GPT2: variants seen among roughly 807,000 people sequenced by gnomAD.
GPT2 encodes the protein glutamic--pyruvic transaminase 2.
A neutral mutation model predicts 56.9 loss-of-function variants in GPT2; 30 were observed. That is an observed-to-expected ratio of 0.53 (90% CI 0.39 to 0.72). GPT2 has a LOEUF of 0.72. Ranked by LOEUF, GPT2 falls within the 30% of genes least tolerant of loss-of-function variation. The pLI is 0.00. For synonymous variants in GPT2, 271 were observed against 283.1 expected (o/e 0.96, Z 0.43); for missense variants, 542 against 703.4 (o/e 0.77, Z 2.60).
At chr16:46,902,566 C>T (rs1960839669) in intron 4 of GPT2, among the ~76,000 whole-genome samples, 1 of 152,162 alleles carries the variant, frequency 6.6e-6, no homozygotes, top group Non-Finnish European at 1.5e-5. Context: ...GCTCCATGGC[C>T]ACCCTGACCC....
In GPT2 at chr16:46,906,697, A is replaced by G. The variant is rs1175361344; in HGVS notation, c.443-145A>G. 4 of 1,060,736 alleles carry G rather than the reference A, an allele frequency of 3.8e-6. No homozygotes were observed. The African/African-American group carries it at 4.7e-5, about 13-fold the overall frequency. The allele number at this position is 1,060,736 out of a possible 1,614,324, so 65.7% of individuals were successfully genotyped here. A position where few individuals can be genotyped will look rare whatever the true frequency, so the allele number is the denominator to read the frequency against. On this transcript the variant is annotated intron_variant, in intron 4 of 11. Coordinates refer to ENST00000340124, the MANE Select transcript of GPT2 (RefSeq NM_133443.4). Reference sequence around the variant, plus strand: ...AAGACAGGTGGTTAAGCAGTTTCCCACAGTTCCAAAGCAATGGGAGTTGGG... The same window carrying G: ...AAGACAGGTGGTTAAGCAGTTTCCCGCAGTTCCAAAGCAATGGGAGTTGGG...
intron 6 of GPT2, among the ~76,000 whole-genome samples, chr16:46,914,813 G>A (rs888465057): frequency 1.1e-4 from 17 of 152,304 alleles, no homozygotes; most frequent in South Asian, 2.1e-4. Flanking sequence ...CTCTTCACCC[G>A]GTGGCCACAG....
chr16:46,920,101 A>G (rs1961256186), intron 8 of GPT2, among the ~76,000 whole-genome samples: 1 of 152,188 alleles, frequency 6.6e-6, no homozygotes, highest in South Asian at 2.1e-4. Flanking sequence ...GCTACTCAGG[A>G]GGCTGAGATG....
In GPT2 at chr16:46,929,312, G is replaced by A; in HGVS notation, c.*315G>A. The A allele has an allele frequency of 3.0e-6, 1 of 329,398 alleles. No homozygotes were observed. 20.4% of individuals were successfully genotyped at this position (329,398 alleles called of 1,614,324 possible). A position where few individuals can be genotyped will look rare whatever the true frequency, so the allele number is the denominator to read the frequency against. On this transcript the variant is annotated 3_prime_UTR_variant, in exon 12 of 12. Coordinates refer to ENST00000340124, the MANE Select transcript of GPT2 (RefSeq NM_133443.4). ...GGTTTACAACAACTAGGATGTGTTG[G>A]GTGAGATGTTTCAGATCTGGAGAAA...
chr16:46,915,087 T>A (rs1961116580), intron 6 of GPT2, among the ~76,000 whole-genome samples: 1 of 151,562 alleles, frequency 6.6e-6, no homozygotes, highest in African/African-American at 2.4e-5. Flanking sequence ...CTGGATAATT[T>A]TTATTGTAGA....
Position 46,927,187 on chromosome 16 carries a change from C to G in GPT2, c.1481+150C>G, listed in dbSNP as rs1265108874. ...ACCCCTACTCTGTCCTGCTGCAGAC[C>G]CAAGCTCAGACCCTGCCCAGGGATT... On this transcript the variant is annotated intron_variant, in intron 11 of 11. Coordinates refer to ENST00000340124, the MANE Select transcript of GPT2 (RefSeq NM_133443.4). The G allele has an allele frequency of 8.5e-6, 4 of 472,488 alleles. No homozygotes were observed. The East Asian group carries it at 1.0e-4, about 12-fold the overall frequency. The allele number at this position is 472,488 out of a possible 1,614,324, so 29.3% of individuals were successfully genotyped here. A position where few individuals can be genotyped will look rare whatever the true frequency, so the allele number is the denominator to read the frequency against.
chr16:46,894,669 CTT>C (rs1252429847), intron 2 of GPT2, among the ~76,000 whole-genome samples: 10 of 145,034 alleles, frequency 6.9e-5, no homozygotes, highest in Non-Finnish European at 9.1e-5. Context: ...CACTGGGAAT[CTT>C]TTTTTTTTTT....
intron 2 of GPT2, among the ~76,000 whole-genome samples, chr16:46,895,363 A>T (rs1033819107): frequency 3.9e-5 from 6 of 152,030 alleles, no homozygotes; most frequent in Admixed American, 1.3e-4. Flanking sequence ...CATCTCCATT[A>T]AAAATACAAA....
At chr16:46,887,723 C>T (rs1164064576) in intron 2 of GPT2, among the ~76,000 whole-genome samples, 1 of 152,180 alleles carries the variant, frequency 6.6e-6, no homozygotes, top group Non-Finnish European at 1.5e-5. Context: ...GGAATTCTTT[C>T]ACCAGGTGTT....
chr16:46,910,317 G>A (rs1252449798), intron 6 of GPT2, among the ~76,000 whole-genome samples: 8 of 128,618 alleles, frequency 6.2e-5, no homozygotes, highest in Non-Finnish European at 9.4e-5. Flanking sequence ...AGAGGCAGAG[G>A]TTGCAGTGAG....
chr16:46,925,103 G>A (rs1331150102), intron 10 of GPT2, among the ~76,000 whole-genome samples: 1 of 151,988 alleles, frequency 6.6e-6, no homozygotes, highest in Non-Finnish European at 1.5e-5. Context: ...AGAGAGATGG[G>A]GTCTTACTTT....
intron 2 of GPT2, among the ~76,000 whole-genome samples, chr16:46,891,153 A>G (rs901496506): frequency 2.6e-5 from 4 of 152,064 alleles, no homozygotes; most frequent in African/African-American, 9.7e-5. Flanking sequence ...GATTACAGGC[A>G]TGAGCCACTG....
chr16:46,919,834 G>A (rs1191643731), intron 8 of GPT2, among the ~76,000 whole-genome samples: 1 of 152,158 alleles, frequency 6.6e-6, no homozygotes, highest in African/African-American at 2.4e-5. Context: ...CAGAGATGGG[G>A]AGAGGATCCT....
chr16:46,886,263 T>G (rs917494770), intron 2 of GPT2, among the ~76,000 whole-genome samples: 1 of 152,206 alleles, frequency 6.6e-6, no homozygotes, highest in Non-Finnish European at 1.5e-5. Flanking sequence ...CTGGCCCTCC[T>G]TGACGCAACA....
rs535709537 is a variant in GPT2, at chr16:46,884,585, C to T, written c.-22-109C>T. On this transcript the variant is annotated intron_variant, in intron 1 of 11. Coordinates refer to ENST00000340124, the MANE Select transcript of GPT2 (RefSeq NM_133443.4). ...CGGGGGATGGGCACCAGCGCCGAAGCCAGGCTGGCACCGCTCGCTGAAAGA... is the reference window on the plus strand; with the variant it reads ...CGGGGGATGGGCACCAGCGCCGAAGTCAGGCTGGCACCGCTCGCTGAAAGA... 1,140 of 1,176,246 alleles carry T rather than the reference C, an allele frequency of 9.7e-4. 4 individuals are homozygous for T. In the Middle Eastern group the frequency reaches 0.019, roughly 19 times the overall value. 72.9% of individuals were successfully genotyped at this position (1,176,246 alleles called of 1,614,324 possible).
rs1306480923 is a variant in GPT2, at chr16:46,929,459, G to C, written c.*462G>C. ...AAGCATCCGGTCCTTTGAACAGAAG[G>C]GCCTGGAAGGCCCCTGGGGCTGAGA... On this transcript the variant is annotated 3_prime_UTR_variant, in exon 12 of 12. Coordinates refer to ENST00000340124, the MANE Select transcript of GPT2 (RefSeq NM_133443.4). 1 of 168,366 alleles carries C rather than the reference G, an allele frequency of 5.9e-6. No homozygotes were observed. 10.4% of individuals were successfully genotyped at this position (168,366 alleles called of 1,614,324 possible).
chr16:46,911,030 T>C (rs1303186124), intron 6 of GPT2, among the ~76,000 whole-genome samples: 1 of 152,226 alleles, frequency 6.6e-6, no homozygotes, highest in Non-Finnish European at 1.5e-5. Flanking sequence ...CTCTTCCTTA[T>C]TTTTCTGAAC....
In GPT2 at chr16:46,922,231, T is replaced by C. The variant is rs559890609; in HGVS notation, c.1038-11T>C. 6.2e-6 allele frequency: 10 copies of C among 1,612,620 alleles called. No individual in the cohort carries two copies. Among genetic ancestry groups the C allele is most frequent in the East Asian group, 4.5e-5 (2 of 44,852 alleles). On this transcript the variant is annotated splice_polypyrimidine_tract_variant and intron_variant, in intron 8 of 11. Coordinates refer to ENST00000340124, the MANE Select transcript of GPT2 (RefSeq NM_133443.4). ...TAACTGGTGGTCCTCTCCCTCTCTT[T>C]GGCCCTCCAGGTGTGGTTACAGAGG...
Position 46,902,106 on chromosome 16 carries a change from C to T in GPT2, c.442+1316C>T, listed in dbSNP as rs146513153. Among the ~76,000 whole-genome samples the T allele has an allele frequency of 6.8e-3, 1,037 of 152,292 alleles. 13 individuals are homozygous for T. Among genetic ancestry groups the T allele is most frequent in the Non-Finnish European group, 0.012 (836 of 68,016 alleles). Reference sequence around the variant, plus strand: ...GATGCGAGTGTCTGGGGACCAGGTACGGATTTTTGTTCCACGTGCTAAGCC... The same window carrying T: ...GATGCGAGTGTCTGGGGACCAGGTATGGATTTTTGTTCCACGTGCTAAGCC... On this transcript the variant is annotated intron_variant, in intron 4 of 11. Transcript: ENST00000340124.
Sources: allele counts gnomAD v4.1 joint callset (sites outside exome capture counted in the v4.1 genomes callset), GRCh38; gene constraint gnomAD v4.1.1; transcripts MANE v1.5; gene names NCBI Gene and HGNC (gene_info 2026-07-23, HGNC 2026-07-21).